Variants in SPMAP2 observed in about 807,000 individuals in gnomAD.
The protein encoded by SPMAP2 is sperm microtubule associated protein 2, also known as Theg homolog.
the SPMAP2 span, among the ~76,000 whole-genome samples, chr19:364,179 A>C: frequency 6.7e-6 from 1 of 148,600 alleles, no homozygotes; most frequent in Non-Finnish European, 1.5e-5. Flanking sequence ...TAAAAATACA[A>C]AAAAAAAATT....
chr19:362,549 C>G, the SPMAP2 span: 167 of 679,314 alleles, frequency 2.5e-4, no homozygotes, highest in Non-Finnish European at 3.6e-4. Flanking sequence ...AGGTGGATCA[C>G]CTGAGGTCAG....
At chr19:374,462 G>A in the SPMAP2 span, 47 of 1,612,756 alleles carry the variant, frequency 2.9e-5, 1 homozygote, top group East Asian at 2.7e-4. Flanking sequence ...CTGCTTTCCC[G>A]CCCCGATGCG....
At chr19:363,202 A>G in the SPMAP2 span, among the ~76,000 whole-genome samples, 3 of 152,142 alleles carry the variant, frequency 2.0e-5, no homozygotes, top group Admixed American at 6.5e-5. Context: ...TTGTTTATTT[A>G]TTTAGTTTGA....
chr19:366,824 G>A, the SPMAP2 span, among the ~76,000 whole-genome samples: 1 of 152,152 alleles, frequency 6.6e-6, no homozygotes, highest in African/African-American at 2.4e-5. Context: ...AGCTGCATTT[G>A]TTCCTTAGCG....
At chr19:370,059 C>G in the SPMAP2 span, among the ~76,000 whole-genome samples, 1 of 152,160 alleles carries the variant, frequency 6.6e-6, no homozygotes, top group Non-Finnish European at 1.5e-5. Context: ...TACGGCGCAC[C>G]TGGGCTCCCA....
chr19:367,544 GCT>G, the SPMAP2 span, among the ~76,000 whole-genome samples: 1 of 152,262 alleles, frequency 6.6e-6, no homozygotes, highest in South Asian at 2.1e-4. Context: ...ATCACTCCAC[GCT>G]CACAAATTTG....
At chr19:373,588 A>C in the SPMAP2 span, 1 of 1,565,466 alleles carries the variant, frequency 6.4e-7, no homozygotes, top group Non-Finnish European at 8.7e-7. Flanking sequence ...CCCTGCCCGG[A>C]AACAAGCCTG....
chr19:371,213 T>C, the SPMAP2 span: 227 of 1,454,584 alleles, frequency 1.6e-4, no homozygotes, highest in East Asian at 5.3e-3. Flanking sequence ...ACCTCAGACA[T>C]GGGCATGCTC....
chr19:363,222 T>A, the SPMAP2 span, among the ~76,000 whole-genome samples: 1 of 152,352 alleles, frequency 6.6e-6, no homozygotes. Context: ...ATACAGAGCC[T>A]TGCTCTGTCG....
At chr19:375,944 G>A in the SPMAP2 span, 18 of 1,446,272 alleles carry the variant, frequency 1.2e-5, no homozygotes, top group East Asian at 1.3e-4. Flanking sequence ...GCTGGTTCCC[G>A]AGTGACCTTC....
the SPMAP2 span, chr19:375,761 G>A: frequency 1.5e-3 from 2,377 of 1,610,044 alleles, 3 homozygotes; most frequent in Middle Eastern, 3.3e-3. Flanking sequence ...ACTCCTCCCC[G>A]GCCACCTCCT....
chr19:375,324 G>T, the SPMAP2 span, among the ~76,000 whole-genome samples: 1 of 152,012 alleles, frequency 6.6e-6, no homozygotes, highest in Non-Finnish European at 1.5e-5. Flanking sequence ...TATTCTCTCT[G>T]TCTGACTTGA....
chr19:367,288 G>A, the SPMAP2 span: 1 of 1,461,344 alleles, frequency 6.8e-7, no homozygotes, highest in Non-Finnish European at 9.1e-7. Flanking sequence ...GGGCCCTGGA[G>A]CTGAAGGACC....
the SPMAP2 span, chr19:375,523 G>C: frequency 1.1e-6 from 1 of 936,956 alleles, no homozygotes; most frequent in East Asian, 2.8e-5. Context: ...CGGCAGGGCC[G>C]GGCCCCTCGG....
At chr19:371,307 C>A in the SPMAP2 span, 1 of 1,482,698 alleles carries the variant, frequency 6.7e-7, no homozygotes. Flanking sequence ...GAGGAATGGG[C>A]CAGACAGGAG....
At chr19:362,174 G>C in the SPMAP2 span, 1 of 1,452,544 alleles carries the variant, frequency 6.9e-7, no homozygotes, top group Non-Finnish European at 9.1e-7. Flanking sequence ...TAGGGTGCCT[G>C]AGGGTGTTTA....
chr19:371,064 G>C, the SPMAP2 span: 1 of 513,730 alleles, frequency 1.9e-6, no homozygotes, highest in African/African-American at 2.0e-5. Flanking sequence ...GAGATCAAAA[G>C]AAAGCTGCTC....
the SPMAP2 span, chr19:367,291 GA>G: frequency 6.9e-7 from 1 of 1,446,994 alleles, no homozygotes; most frequent in Non-Finnish European, 9.2e-7. Context: ...CCCTGGAGCT[GA>G]AGGACCCCAG....
the SPMAP2 span, among the ~76,000 whole-genome samples, chr19:371,883 G>GTTAGGA: frequency 6.6e-6 from 1 of 152,232 alleles, no homozygotes; most frequent in African/African-American, 2.4e-5. Context: ...CAGGTCTGAG[G>GTTAGGA]TTAGGATGCA....
Sources: allele counts gnomAD v4.1 joint callset (sites outside exome capture counted in the v4.1 genomes callset), GRCh38; gene constraint gnomAD v4.1.1; transcripts MANE v1.5; gene names NCBI Gene and HGNC (gene_info 2026-07-23, HGNC 2026-07-21).